MAGEB16: variants seen among roughly 807,000 people sequenced by gnomAD.
MAGEB16 encodes MAGE family member B16, also known as melanoma-associated antigen B16.
For missense variants in MAGEB16, 217 were observed against 234.0 expected (o/e 0.93, Z 0.47); for synonymous variants, 95 against 92.1 (o/e 1.03, Z -0.18).
At chrX:35,803,523 CTG>C (rs1212730634) in exon 2 of MAGEB16, 15 of 159,580 alleles carry the variant, frequency 9.4e-5, no homozygotes, top group Non-Finnish European at 1.8e-4. Context: ...ATATGTTTTG[CTG>C]ATTTTGTAAA....
intron 1 of MAGEB16, among the ~76,000 whole-genome samples, chrX:35,799,622 CATAAAACTGT>C (rs1208863502): frequency 9.0e-6 from 1 of 111,391 alleles, no homozygotes; most frequent in Non-Finnish European, 1.9e-5. Context: ...AAATACACTG[CATAAAACTGT>C]AGACCCACAA....
exon 2 of MAGEB16, chrX:35,802,175 A>G (rs1934867244): frequency 6.6e-6 from 8 of 1,208,138 alleles, no homozygotes; most frequent in African/African-American, 1.8e-5. Flanking sequence ...ACTCCTGCCT[A>G]CTGCCACCCA....
At chrX:35,800,149 G>A (rs912637332) in intron 1 of MAGEB16, among the ~76,000 whole-genome samples, 8 of 110,846 alleles carry the variant, frequency 7.2e-5, no homozygotes, top group Non-Finnish European at 1.5e-4. Flanking sequence ...TTAGCATAAG[G>A]AGGGAACATC....
rs368062924 is a variant in MAGEB16 at position 35,802,418 on chromosome X, C to T, written c.222C>T (p.Ala74=). Reference sequence around the variant, plus strand: ...AGAGTTTCTGCTCCTCTTCCATTGCCGTCACAACCACCTCATCAAGTGAAT... The same window carrying T: ...AGAGTTTCTGCTCCTCTTCCATTGCTGTCACAACCACCTCATCAAGTGAAT... The change falls in exon 2 of 2, where the codon GCC becomes GCT. Residue 74 remains alanine (A), a synonymous_variant. Transcript: ENST00000399988. 6.6e-5 allele frequency: 80 copies of T among 1,206,753 alleles called. No individual in the cohort carries two copies. In the African/African-American group the frequency reaches 1.3e-3, roughly 20 times the overall value.
At chrX:35,802,846 G>A in exon 2 of MAGEB16, 1 of 1,211,847 alleles carries the variant, frequency 8.3e-7, no homozygotes, top group Non-Finnish European at 1.1e-6. Context: ...TTCATGAAGG[G>A]CAACCGTGCC....
exon 2 of MAGEB16, chrX:35,803,372 T>G (rs1445624790): frequency 4.6e-5 from 16 of 349,714 alleles, no homozygotes; most frequent in African/African-American, 4.0e-4. Context: ...ATGTGTAACT[T>G]GACAGTTTAT....
chrX:35,803,004 C>A (rs903349978), exon 2 of MAGEB16: 5 of 1,211,920 alleles, frequency 4.1e-6, no homozygotes, highest in South Asian at 1.8e-5. Flanking sequence ...CAACAGTGAT[C>A]CTGCACGATA....
exon 2 of MAGEB16, chrX:35,802,171 G>T: frequency 1.7e-6 from 2 of 1,210,113 alleles, no homozygotes; most frequent in Non-Finnish European, 2.2e-6. Flanking sequence ...CCACACTCCT[G>T]CCTACTGCCA....
chrX:35,803,156 T>C, exon 2 of MAGEB16: 1 of 1,176,712 alleles, frequency 8.5e-7, no homozygotes, highest in Non-Finnish European at 1.1e-6. Context: ...AAGAGAGAGC[T>C]AGAGCCAGAA....
At chrX:35,798,345 G>A (rs1934830741) in exon 1 of MAGEB16, 1 of 108,718 alleles carries the variant, frequency 9.2e-6, no homozygotes, top group Non-Finnish European at 1.9e-5. Flanking sequence ...CGAGGACTGT[G>A]ACGACCTTAT....
exon 2 of MAGEB16, chrX:35,802,723 C>T: frequency 4.1e-6 from 5 of 1,211,308 alleles, no homozygotes; most frequent in South Asian, 3.5e-5. Context: ...GTGGACCCCA[C>T]CACCCATTGC....
chrX:35,801,508 AG>A (rs1455902012), intron 1 of MAGEB16: 1 of 112,145 alleles, frequency 8.9e-6, no homozygotes, highest in Admixed American at 9.4e-5. Flanking sequence ...TAAAGCTGTT[AG>A]GTGGAGGTGA....
chrX:35,803,256 T>C, exon 2 of MAGEB16: 1 of 977,136 alleles, frequency 1.0e-6, no homozygotes, highest in Non-Finnish European at 1.4e-6. Context: ...AAGACAAGGA[T>C]AGATGTTTTA....
chrX:35,798,582 G>A (rs1483723681), intron 1 of MAGEB16, 164 bp downstream of exon 1: 1 of 111,500 alleles, frequency 9.0e-6, no homozygotes, highest in African/African-American at 3.3e-5. Flanking sequence ...GCAAGGGTAA[G>A]AGTCCTTAGA....
At chrX:35,798,944 C>T (rs753466392) in intron 1 of MAGEB16, 1 of 108,638 alleles carries the variant, frequency 9.2e-6, no homozygotes, top group South Asian at 4.1e-4. Flanking sequence ...GATCTCGGCT[C>T]ACTGCAAGCT....
chrX:35,802,701 G>A (rs1473593545), exon 2 of MAGEB16: 3 of 1,211,469 alleles, frequency 2.5e-6, no homozygotes, highest in African/African-American at 1.7e-5. Context: ...ATTTGGCCTT[G>A]ATGTGGTGGA....
Position 35,800,411 on chromosome X carries a change from AG to A in MAGEB16, c.-66-1716del. 6 of 496,522 alleles carry A rather than the reference AG, an allele frequency of 1.2e-5. No homozygotes were observed. The South Asian group carries it at 1.6e-4, about 14-fold the overall frequency. The allele number at this position is 496,522 out of a possible 1,213,427, so 40.9% of individuals were successfully genotyped here. Reference sequence around the variant, plus strand: ...AAGTCAATATAGGGGTAGGTGCATAAGGGGTACCGAGAGGTTAGGTGAAGAC... The same window carrying A: ...AAGTCAATATAGGGGTAGGTGCATAAGGGTACCGAGAGGTTAGGTGAAGAC... On this transcript the variant is annotated intron_variant, in intron 1 of 1. Transcript: ENST00000399988.
At chrX:35,803,137 A>G in exon 2 of MAGEB16, 3 of 1,187,766 alleles carry the variant, frequency 2.5e-6, no homozygotes, top group Non-Finnish European at 3.4e-6. Flanking sequence ...GAAGCTCTGA[A>G]AGAGGAAGAA....
At chrX:35,803,559 T>C (rs1180662056) in exon 2 of MAGEB16, 1 of 140,898 alleles carries the variant, frequency 7.1e-6, no homozygotes, top group East Asian at 2.2e-4. Flanking sequence ...CCATCTATAT[T>C]GTGTTCTGAT....
Sources: gnomAD v4.1 joint callset for allele counts (sites outside exome capture counted in the v4.1 genomes callset) on GRCh38, gnomAD v4.1.1 for gene constraint, MANE v1.5 for transcripts, NCBI Gene and HGNC (gene_info 2026-07-23, HGNC 2026-07-21) for gene names.